Variants in COL20A1 observed in about 807,000 individuals in gnomAD.
COL20A1 encodes the protein collagen type XX alpha 1 chain.
Under a neutral mutation model 152.9 loss-of-function variants are expected in COL20A1, and 164 were observed. That is an observed-to-expected ratio of 1.07 (90% CI 0.94 to 1.22). The LOEUF (loss-of-function observed/expected upper bound fraction) is 1.22. Among genes scored for constraint, COL20A1 ranks in the 50% most tolerant of loss-of-function variants. The pLI is 0.00. For synonymous variants in COL20A1, 864 were observed against 756.0 expected (o/e 1.14, Z -2.34); for missense variants, 1,873 against 1,744.8 (o/e 1.07, Z -1.31).
At chr20:63,323,016 C>T (rs955755909) in intron 27 of COL20A1, among the ~76,000 whole-genome samples, 3 of 152,238 alleles carry the variant, frequency 2.0e-5, no homozygotes, top group African/African-American at 7.2e-5. Context: ...CACACTGGCC[C>T]GGCAGAGCCG....
intron 8 of COL20A1, among the ~76,000 whole-genome samples, chr20:63,308,927 C>T (rs1210304281): frequency 6.6e-6 from 1 of 152,160 alleles, no homozygotes; most frequent in African/African-American, 2.4e-5. Context: ...TCCGTGGAAC[C>T]ACCCCAACCC....
At position 63,332,146 on chromosome 20, in the gene COL20A1, A is replaced by G. The variant is rs981425198; in HGVS notation, c.*1430A>G. On this transcript the variant is annotated 3_prime_UTR_variant, in exon 36 of 36. Coordinates refer to ENST00000358894, the MANE Select transcript of COL20A1 (RefSeq NM_020882.4). ...GGACAAATCAGACGTCGAAGAAGTCACGTGGCATCGAGACAGATTTTGCAC... is the reference window on the plus strand; with the variant it reads ...GGACAAATCAGACGTCGAAGAAGTCGCGTGGCATCGAGACAGATTTTGCAC... The G allele has an allele frequency of 2.0e-5, 3 of 152,318 alleles. No homozygotes were observed. The highest frequency in any genetic ancestry group is 7.2e-5 in the African/African-American group (3 of 41,470). The allele number at this position is 152,318 out of a possible 1,614,324, so 9.4% of individuals were successfully genotyped here.
chr20:63,318,187 C>T (rs1268224272), intron 21 of COL20A1, among the ~76,000 whole-genome samples: 1 of 152,156 alleles, frequency 6.6e-6, no homozygotes, highest in Non-Finnish European at 1.5e-5. Context: ...CCAGGTGCGG[C>T]CACCCAGGGT....
chr20:63,325,234 C>T lies in COL20A1; in HGVS notation c.3295-207C>T, dbSNP rs2068225182. The T allele has an allele frequency of 1.4e-5, 10 of 697,330 alleles. No individual in the cohort carries two copies. The East Asian group carries it at 2.2e-4, about 15-fold the overall frequency. 43.2% of individuals were successfully genotyped at this position (697,330 alleles called of 1,614,324 possible). A position where few individuals can be genotyped will look rare whatever the true frequency, so the allele number is the denominator to read the frequency against. ...GCCACAGGAGGGGTGGCAAGCGTGA[C>T]CTTGTCAGGCCCTACCCGCTGCCTG... On this transcript the variant is annotated intron_variant, in intron 27 of 35. Transcript: ENST00000358894.
intron 3 of COL20A1, among the ~76,000 whole-genome samples, chr20:63,303,140 A>G (rs575782706): frequency 1.3e-5 from 2 of 152,346 alleles, no homozygotes; most frequent in Non-Finnish European, 2.9e-5. Flanking sequence ...AGCATATGAT[A>G]TACATAATGG....
intron 19 of COL20A1, among the ~76,000 whole-genome samples, chr20:63,314,918 C>T (rs569350496): frequency 6.7e-6 from 1 of 149,448 alleles, no homozygotes; most frequent in Admixed American, 6.7e-5. Flanking sequence ...GCCCCCAGGA[C>T]ATGCGTGTCC....
intron 18 of COL20A1, 37 bp from the exon 19 acceptor site, chr20:63,314,035 C>T (rs1213696245): frequency 6.2e-7 from 1 of 1,611,944 alleles, no homozygotes; most frequent in East Asian, 2.2e-5. Context: ...GCAAAGTTGC[C>T]CAGGAAGTGG....
intron 3 of COL20A1, among the ~76,000 whole-genome samples, chr20:63,299,867 G>A (rs1385038229): frequency 5.3e-5 from 8 of 150,650 alleles, no homozygotes; most frequent in South Asian, 4.2e-4. Context: ...ACATATATAC[G>A]TTGTGTGTAT....
chr20:63,300,651 C>G (rs890460329), intron 3 of COL20A1, among the ~76,000 whole-genome samples: 2 of 152,134 alleles, frequency 1.3e-5, no homozygotes, highest in Admixed American at 1.3e-4. Flanking sequence ...CTTGGTTGGT[C>G]TGTCGTTGAT....
chr20:63,294,675 G>A (rs982381085), intron 1 of COL20A1, among the ~76,000 whole-genome samples: 1 of 152,154 alleles, frequency 6.6e-6, no homozygotes, highest in South Asian at 2.1e-4. Flanking sequence ...GACTCCACAT[G>A]TCCAGCAATC....
chr20:63,302,089 C>T (rs567784198), intron 3 of COL20A1, among the ~76,000 whole-genome samples: 65 of 152,244 alleles, frequency 4.3e-4, no homozygotes, highest in African/African-American at 1.5e-3. Flanking sequence ...CAATTATCAG[C>T]GTGCGGCCAA....
intron 14 of COL20A1, 109 bp from the exon 15 acceptor site, chr20:63,312,311 G>T (rs985017249): frequency 1.2e-5 from 16 of 1,287,942 alleles, no homozygotes; most frequent in South Asian, 1.6e-5. Flanking sequence ...CCCCGTTTCT[G>T]GGGGGTCGTG....
rs969956917 is a variant in COL20A1 at position 63,332,370 on chromosome 20, A to C, written c.*1654A>C. On this transcript the variant is annotated 3_prime_UTR_variant, in exon 36 of 36. Coordinates refer to ENST00000358894, the MANE Select transcript of COL20A1 (RefSeq NM_020882.4). ...AGTTGCTTCAGATTGTGTGACCAGC[A>C]AAACAGCTTGGTTGCTCTCACTTGG... 3 of 149,578 alleles carry C rather than the reference A, an allele frequency of 2.0e-5. No homozygotes were observed. The highest frequency in any genetic ancestry group is 7.3e-5 in the African/African-American group (3 of 41,118). 9.3% of individuals were successfully genotyped at this position (149,578 alleles called of 1,614,324 possible). A position where few individuals can be genotyped will look rare whatever the true frequency, so the allele number is the denominator to read the frequency against.
At chr20:63,320,453 C>T (rs2068147183) in intron 25 of COL20A1, 85 bp downstream of exon 25, 1 of 1,328,830 alleles carries the variant, frequency 7.5e-7, no homozygotes, top group African/African-American at 1.4e-5. Flanking sequence ...GTCAGTTGGC[C>T]TGTCCAGATT....
chr20:63,307,914 C>G lies in COL20A1; in HGVS notation c.656-57C>G, dbSNP rs2067948632. 4 of 1,594,036 alleles carry G rather than the reference C, an allele frequency of 2.5e-6. No individual in the cohort carries two copies. The Admixed American group carries it at 6.8e-5, about 27-fold the overall frequency. On this transcript the variant is annotated intron_variant, in intron 6 of 35. Transcript: ENST00000358894. ...CTCTCAGGTGTGGCCTTGTGCCAAG[C>G]TCCCTGGGCATCTCAGCATTGGAAA...
In COL20A1 at chr20:63,320,302, G is replaced by T; in HGVS notation, c.3087G>T (p.Gln1029His). ...PRSSSAAFQLQMLQIVCSDTW... is the reference protein window; with the variant it reads ...PRSSSAAFQLHMLQIVCSDTW... ...CCCCTGCGTTGCAGTTTCAGCTCCA[G>T]ATGCTGCAGATCGTGTGCAGTGACA... Residue 1029 changes from glutamine (Q) to histidine (H), a missense_variant, in exon 25 of 36, where the codon CAG becomes CAT. Coordinates refer to ENST00000358894, the MANE Select transcript of COL20A1 (RefSeq NM_020882.4). 6.2e-7 allele frequency: 1 copy of T among 1,610,464 alleles called. No individual in the cohort carries two copies. Among genetic ancestry groups the T allele is most frequent in the Non-Finnish European group, 8.5e-7 (1 of 1,179,832 alleles).
chr20:63,329,932 G>A (rs1195097622), intron 35 of COL20A1, among the ~76,000 whole-genome samples: 5 of 152,232 alleles, frequency 3.3e-5, no homozygotes, highest in African/African-American at 1.2e-4. Context: ...CGTGCTGGGA[G>A]TCTGCTGCAC....
At position 63,315,475 on chromosome 20, in the gene COL20A1, A is replaced by C; in HGVS notation, c.2524+36A>C. On this transcript the variant is annotated intron_variant, in intron 20 of 35. Transcript: ENST00000358894. ...CATGCCCTCCCCTGCCTGCCCACCC[A>C]CAGTCTCTCGGGCTCTTCCTGGGCG... is the stretch of plus-strand genomic sequence containing the variant. 1.9e-6 allele frequency: 3 copies of C among 1,541,576 alleles called. No individual in the cohort carries two copies. The East Asian group carries it at 7.2e-5, about 37-fold the overall frequency.
In COL20A1 at chr20:63,305,769, C is replaced by A; in HGVS notation, c.338-112C>A. 1 of 1,218,462 alleles carries A rather than the reference C, an allele frequency of 8.2e-7. No individual in the cohort carries two copies. Among genetic ancestry groups the A allele is most frequent in the Non-Finnish European group, 1.2e-6 (1 of 860,130 alleles). The allele number at this position is 1,218,462 out of a possible 1,614,324, so 75.5% of individuals were successfully genotyped here. On this transcript the variant is annotated intron_variant, in intron 4 of 35. Transcript: ENST00000358894. The surrounding 1 kb of genome is among the most constrained non-coding windows in gnomAD (Gnocchi z 4.9). ...CTGACATCTTTGCATGCCTCCCAGGCTCCTGGGCCCTCAGCACCCACAGAT... is the reference window on the plus strand; with the variant it reads ...CTGACATCTTTGCATGCCTCCCAGGATCCTGGGCCCTCAGCACCCACAGAT...
Sources: gnomAD v4.1 joint callset for allele counts (sites outside exome capture counted in the v4.1 genomes callset) on GRCh38, gnomAD v4.1.1 for gene constraint, Gnocchi (gnomAD v3.1) non-coding constraint, MANE v1.5 for transcripts, NCBI Gene and HGNC (gene_info 2026-07-23, HGNC 2026-07-21) for gene names.